CERT1: variants seen among roughly 807,000 people sequenced by gnomAD.
The protein encoded by CERT1 is ceramide transfer protein.
CERT1 carries 31 observed loss-of-function variants against 87.9 expected under a neutral mutation model. The ratio of observed to expected loss-of-function variants is 0.35; its 90% CI spans 0.27 to 0.48. The LOEUF (loss-of-function observed/expected upper bound fraction) is 0.48, where lower values mean the gene tolerates loss of function less well. Among genes scored for constraint, CERT1 ranks in the 20% least tolerant of loss-of-function variants. The pLI is 0.99. For synonymous variants in CERT1, 289 were observed against 250.9 expected, an observed-to-expected ratio of 1.15 and a Z score of -1.44; for missense variants, 487 against 758.0, an observed-to-expected ratio of 0.64 and a Z score of 4.20.
chr5:75,490,092 AG>A (rs1249081340), intron 2 of CERT1, among the ~76,000 whole-genome samples: 1 of 152,208 alleles, frequency 6.6e-6, no homozygotes, highest in African/African-American at 2.4e-5. Context: ...AAACTAACAC[AG>A]GAACAGAAAA....
chr5:75,423,571 T>C (rs1241401090), intron 5 of CERT1, among the ~76,000 whole-genome samples: 1 of 152,072 alleles, frequency 6.6e-6, no homozygotes, highest in Non-Finnish European at 1.5e-5. Context: ...CGAGACCTCA[T>C]CTCTACAAAA....
chr5:75,411,382 C>T (rs974735177), intron 7 of CERT1, among the ~76,000 whole-genome samples: 4 of 152,158 alleles, frequency 2.6e-5, no homozygotes, highest in African/African-American at 4.8e-5. Context: ...GGCATGGTCT[C>T]GGCTCACTGC....
intron 3 of CERT1, among the ~76,000 whole-genome samples, chr5:75,432,394 T>C (rs569148141): frequency 1.2e-4 from 18 of 152,282 alleles, no homozygotes; most frequent in Middle Eastern, 3.4e-3. Flanking sequence ...ACATCTGTTA[T>C]TTTCTGAATT....
intron 2 of CERT1, among the ~76,000 whole-genome samples, chr5:75,467,112 G>A (rs1232509172): frequency 6.6e-6 from 1 of 152,148 alleles, no homozygotes; most frequent in Non-Finnish European, 1.5e-5. Context: ...TACAGAGATG[G>A]AATACTACCC....
intron 3 of CERT1, among the ~76,000 whole-genome samples, chr5:75,458,249 TATGA>T (rs1365132228): frequency 5.3e-5 from 8 of 152,174 alleles, no homozygotes; most frequent in Admixed American, 2.6e-4. Context: ...GCTTAAATTA[TATGA>T]ATGTACCTTA....
At chr5:75,424,477 C>T (rs768582989) in intron 5 of CERT1, among the ~76,000 whole-genome samples, 4 of 151,622 alleles carry the variant, frequency 2.6e-5, no homozygotes, top group Non-Finnish European at 4.4e-5. Flanking sequence ...GAGGCTGAGG[C>T]AGGACAATCA....
chr5:75,498,088 G>A (rs1767159940), intron 2 of CERT1, among the ~76,000 whole-genome samples: 2 of 152,190 alleles, frequency 1.3e-5, no homozygotes, highest in African/African-American at 4.8e-5. Flanking sequence ...CAAAGAGACT[G>A]GCGGCATTTT....
intron 2 of CERT1, among the ~76,000 whole-genome samples, chr5:75,485,556 A>G (rs1359424291): frequency 6.6e-6 from 1 of 151,974 alleles, no homozygotes; most frequent in South Asian, 2.1e-4. Flanking sequence ...AAAATACAAA[A>G]GATCAATGAA....
At position 75,459,195 on chromosome 5, in the gene CERT1, G is replaced by A. The variant is rs775505859; in HGVS notation, c.232-14C>T. On this transcript the variant is annotated splice_polypyrimidine_tract_variant and intron_variant, in intron 2 of 16. Coordinates refer to ENST00000643780, the MANE Select transcript of CERT1 (RefSeq NM_001379029.1). ...AAAATCGTGAGGCTGTGGAGAAAAA[G>A]TAGAAAATGAAAAGCAAAGCTAATT... 1.3e-6 allele frequency: 2 copies of A among 1,530,310 alleles called. No individual in the cohort carries two copies. The highest frequency in any genetic ancestry group is 1.1e-5 in the South Asian group (1 of 89,364). The allele number at this position is 1,530,310 out of a possible 1,614,324, so 94.8% of individuals were successfully genotyped here. A position where few individuals can be genotyped will look rare whatever the true frequency, so the allele number is the denominator to read the frequency against.
chr5:75,375,073 G>GAA (rs373464740), downstream of CERT1: 2 of 174,806 alleles, frequency 1.1e-5, no homozygotes, highest in Non-Finnish European at 2.4e-5. Context: ...ACAGGCACCT[G>GAA]AAAAAAAAAG....
chr5:75,399,560 C>T (rs964285794), intron 10 of CERT1, among the ~76,000 whole-genome samples, 173 bp from the exon 11 acceptor site: 12 of 152,274 alleles, frequency 7.9e-5, no homozygotes, highest in African/African-American at 2.9e-4. Flanking sequence ...GTTCCAAAAT[C>T]ATTCCAAAAA....
chr5:75,400,922 T>C (rs1413196444), intron 9 of CERT1: 1 of 152,206 alleles, frequency 6.6e-6, no homozygotes, highest in African/African-American at 2.4e-5. Flanking sequence ...GTTTATCCCA[T>C]GTATCTTTCT....
intron 2 of CERT1, among the ~76,000 whole-genome samples, chr5:75,461,833 A>AC (rs1287813007): frequency 1.3e-5 from 2 of 151,724 alleles, no homozygotes; most frequent in Non-Finnish European, 2.9e-5. Context: ...AAAAAAAAAA[A>AC]AAAACGAGAG....
intron 9 of CERT1, chr5:75,402,692 C>T (rs764911455): frequency 3.2e-5 from 7 of 216,316 alleles, no homozygotes; most frequent in African/African-American, 4.7e-5. Context: ...CCCAGCTACT[C>T]GGGAGGCTGA....
intron 5 of CERT1, among the ~76,000 whole-genome samples, chr5:75,423,147 C>T (rs565750720): frequency 2.6e-5 from 4 of 152,182 alleles, no homozygotes; most frequent in Admixed American, 2.0e-4. Context: ...TATTATTTTT[C>T]AAATCATCTA....
At chr5:75,496,943 T>C (rs974807037) in intron 2 of CERT1, among the ~76,000 whole-genome samples, 1 of 152,086 alleles carries the variant, frequency 6.6e-6, no homozygotes, top group Non-Finnish European at 1.5e-5. Flanking sequence ...GTAAATTATA[T>C]CTCAATGTGA....
chr5:75,405,801 A>T (rs1467314743), intron 8 of CERT1, among the ~76,000 whole-genome samples: 1 of 151,334 alleles, frequency 6.6e-6, no homozygotes, highest in Non-Finnish European at 1.5e-5. Flanking sequence ...ACAGGTACAT[A>T]CATATAGGAA....
intron 2 of CERT1, among the ~76,000 whole-genome samples, chr5:75,467,503 T>C (rs908729794): frequency 6.6e-5 from 10 of 152,056 alleles, no homozygotes; most frequent in Middle Eastern, 3.4e-3. Context: ...TAGCTGGGCA[T>C]GGTGGTGCAT....
intron 3 of CERT1, among the ~76,000 whole-genome samples, chr5:75,435,081 A>G (rs964237844): frequency 1.3e-4 from 20 of 152,198 alleles, no homozygotes; most frequent in African/African-American, 4.8e-4. Context: ...ATTTGTGATC[A>G]TTCTAAGTTC....
Sources: gnomAD v4.1 joint callset for allele counts (sites outside exome capture counted in the v4.1 genomes callset) on GRCh38, gnomAD v4.1.1 for gene constraint, MANE v1.5 for transcripts, NCBI Gene and HGNC (gene_info 2026-07-23, HGNC 2026-07-21) for gene names.